The following PAQR8 variants were observed in gnomAD, a reference collection of about 807,000 sequenced individuals.
The protein encoded by PAQR8 is progestin and adipoQ receptor family member 8.
In PAQR8, 17 loss-of-function variants were observed where a neutral mutation model predicts 25.2. That is an observed-to-expected ratio of 0.67 (90% CI 0.46 to 1.01). The LOEUF (loss-of-function observed/expected upper bound fraction) is 1.01, where lower values mean the gene tolerates loss of function less well. Among genes scored for constraint, PAQR8 ranks in the 50% least tolerant of loss-of-function variants. PAQR8 has a pLI of 0.00. For synonymous variants in PAQR8, 204 were observed against 190.6 expected, an observed-to-expected ratio of 1.07 and a Z score of -0.58; for missense variants, 392 against 448.4, an observed-to-expected ratio of 0.87 and a Z score of 1.14.
At chr6:52,384,752 A>G (rs1763610310) in intron 1 of PAQR8, among the ~76,000 whole-genome samples, 1 of 152,222 alleles carries the variant, frequency 6.6e-6, no homozygotes, top group Admixed American at 6.5e-5. Context: ...ACATTACCCA[A>G]CTTCAAAATA....
intron 1 of PAQR8, among the ~76,000 whole-genome samples, chr6:52,385,815 G>T (rs565759857): frequency 3.9e-5 from 6 of 152,312 alleles, no homozygotes; most frequent in African/African-American, 9.6e-5. Flanking sequence ...AGCCTGGAAA[G>T]GTTGAGGCTA....
intron 1 of PAQR8, among the ~76,000 whole-genome samples, chr6:52,386,414 T>C (rs1763633531): frequency 6.6e-6 from 1 of 152,214 alleles, no homozygotes; most frequent in East Asian, 1.9e-4. Flanking sequence ...ATCACAGCAC[T>C]ATTCAAAAAT....
In PAQR8 at chr6:52,403,881, T is replaced by C. The variant is rs1408865569; in HGVS notation, c.668T>C (p.Leu223Pro). The C allele has an allele frequency of 6.2e-7, 1 of 1,614,234 alleles. No homozygotes were observed. The highest frequency in any genetic ancestry group is 8.5e-7 in the Non-Finnish European group (1 of 1,180,030). ...QVVPAGLAFI[L>P]DISPVAHRVA... ...GTGCCAGCAGGTCTGGCTTTTATCC[T>C]AGACATCAGCCCTGTGGCACACCGT... The change falls in exon 2 of 2, where the codon CTA becomes CCA. Residue 223 changes from leucine (L) to proline (P), a missense_variant. Transcript: ENST00000442253.
At chr6:52,366,398 GCTT>G (rs1307198572) in intron 1 of PAQR8, among the ~76,000 whole-genome samples, 9 of 152,106 alleles carry the variant, frequency 5.9e-5, no homozygotes, top group Non-Finnish European at 8.8e-5. Flanking sequence ...AGGAACAAAA[GCTT>G]CTTCTCCTAA....
intron 1 of PAQR8, among the ~76,000 whole-genome samples, chr6:52,382,189 G>A (rs1360637491): frequency 6.6e-6 from 1 of 152,184 alleles, no homozygotes; most frequent in African/African-American, 2.4e-5. Context: ...ACAAACTGGA[G>A]GATGCAGGAG....
rs532421931 is a variant in PAQR8 at position 52,372,768 on chromosome 6, A to C, written c.-53+10519A>C. ...TATATATATGGATATATATATATATATCTTCAGATTATTTTAAAGCAAATC... is the reference window on the plus strand; with the variant it reads ...TATATATATGGATATATATATATATCTCTTCAGATTATTTTAAAGCAAATC... On this transcript the variant is annotated intron_variant, in intron 1 of 1. Transcript: ENST00000442253. Among the ~76,000 whole-genome samples, 24 of 150,566 alleles carry C rather than the reference A, an allele frequency of 1.6e-4. 1 individual carries two copies. Among genetic ancestry groups the C allele is most frequent in the Admixed American group, 4.0e-4 (6 of 15,094 alleles).
intron 1 of PAQR8, among the ~76,000 whole-genome samples, chr6:52,368,863 C>G (rs554463016): frequency 6.6e-6 from 1 of 152,110 alleles, no homozygotes; most frequent in South Asian, 2.1e-4. Flanking sequence ...AAGGGCGGGA[C>G]CAGGTGGAAA....
intron 1 of PAQR8, among the ~76,000 whole-genome samples, chr6:52,386,238 A>G (rs1763631779): frequency 6.6e-6 from 1 of 152,200 alleles, no homozygotes; most frequent in East Asian, 1.9e-4. Context: ...ACGTTTATAC[A>G]GTGTTGGTGA....
intron 1 of PAQR8, among the ~76,000 whole-genome samples, chr6:52,374,342 A>G (rs192543829): frequency 3.0e-4 from 45 of 152,196 alleles, no homozygotes; most frequent in African/African-American, 8.9e-4. Flanking sequence ...TTCCTTTGTC[A>G]TTGGGATCAC....
rs1367645207 is a variant in PAQR8 at position 52,403,352 on chromosome 6, C to G, written c.139C>G (p.Arg47Gly). ...VPETDVPQLF[R>G]EPYIRTGYRP... ...AGAAACGGATGTGCCCCAGCTCTTCCGGGAGCCTTACATCCGCACCGGCTA... is the reference window on the plus strand; with the variant it reads ...AGAAACGGATGTGCCCCAGCTCTTCGGGGAGCCTTACATCCGCACCGGCTA... The change falls in exon 2 of 2, where the codon CGG becomes GGG. Residue 47 changes from arginine to glycine, a missense_variant. Physicochemically the swap from Arg to Gly is moderately radical, Grantham distance 125 (BLOSUM62 -2). Transcript: ENST00000442253. The G allele has an allele frequency of 6.2e-6, 10 of 1,614,126 alleles. No individual in the cohort carries two copies. Among genetic ancestry groups the G allele is most frequent in the Non-Finnish European group, 8.5e-6 (10 of 1,180,052 alleles).
At position 52,396,166 on chromosome 6, in the gene PAQR8, G is replaced by A. The variant is rs1046386010; in HGVS notation, c.-52-6996G>A. Among the ~76,000 whole-genome samples, 4 of 152,338 alleles carry A rather than the reference G, an allele frequency of 2.6e-5. No individual in the cohort carries two copies. The South Asian group carries it at 6.2e-4, about 24-fold the overall frequency. ...TAAGTGGAGTAAACAAACGAACCCA[G>A]CTCCATGAATGAAGAAAACTGGGAG... On this transcript the variant is annotated intron_variant, in intron 1 of 1. Transcript: ENST00000442253.
chr6:52,404,412 T>A lies in PAQR8; in HGVS notation c.*134T>A. The A allele has an allele frequency of 1.2e-6, 1 of 868,712 alleles. No individual in the cohort carries two copies. The highest frequency in any genetic ancestry group is 2.9e-5 in the Admixed American group (1 of 33,982). 53.8% of individuals were successfully genotyped at this position (868,712 alleles called of 1,614,324 possible). A position where few individuals can be genotyped will look rare whatever the true frequency, so the allele number is the denominator to read the frequency against. ...CCAAGGATATGTTATAGCTGCAGTG[T>A]TTGAAAGCCAAAGGATTTAAGAGTT... On this transcript the variant is annotated 3_prime_UTR_variant, in exon 2 of 2. Transcript: ENST00000442253.
Position 52,405,577 on chromosome 6 carries a change from TTC to T in PAQR8, c.*1301_*1302del, listed in dbSNP as rs1763898243. 1 of 167,126 alleles carries T rather than the reference TTC, an allele frequency of 6.0e-6. No individual in the cohort carries two copies. Among genetic ancestry groups the T allele is most frequent in the African/African-American group, 2.4e-5 (1 of 41,460 alleles). 10.4% of individuals were successfully genotyped at this position (167,126 alleles called of 1,614,324 possible). ...CATGCAGCCCTCCCTGAGGATTGAC[TTC>T]TGCACTAATCCAGTGAAGGAGGCTG... On this transcript the variant is annotated 3_prime_UTR_variant, in exon 2 of 2. Coordinates refer to ENST00000442253, the MANE Select transcript of PAQR8 (RefSeq NM_133367.5).
At chr6:52,392,470 C>T (rs1240175520) in intron 1 of PAQR8, among the ~76,000 whole-genome samples, 1 of 152,152 alleles carries the variant, frequency 6.6e-6, no homozygotes, top group African/African-American at 2.4e-5. Context: ...CACATAGCAT[C>T]CTTGTAATAG....
In PAQR8 at chr6:52,404,697, C is replaced by G. The variant is rs1339795132; in HGVS notation, c.*419C>G. The G allele has an allele frequency of 5.6e-6, 1 of 178,458 alleles. No individual in the cohort carries two copies. Among genetic ancestry groups the G allele is most frequent in the Non-Finnish European group, 1.3e-5 (1 of 74,184 alleles). 11.1% of individuals were successfully genotyped at this position (178,458 alleles called of 1,614,324 possible). A position where few individuals can be genotyped will look rare whatever the true frequency, so the allele number is the denominator to read the frequency against. On this transcript the variant is annotated 3_prime_UTR_variant, in exon 2 of 2. Coordinates refer to ENST00000442253, the MANE Select transcript of PAQR8 (RefSeq NM_133367.5). ...GGAATGGCTATCCTACTATGCTGTT[C>G]TTTGGTAATGGAATAAATTGACCCA...
intron 1 of PAQR8, among the ~76,000 whole-genome samples, chr6:52,377,749 AACTTAACTTCCCC>A (rs1581790729): frequency 8.1e-6 from 1 of 123,090 alleles, no homozygotes; most frequent in East Asian, 2.5e-4. Flanking sequence ...TTAAAGGGGA[AACTTAACTTCCCC>A]TTTAAGTTTT....
Position 52,379,619 on chromosome 6 carries a change from C to CTTTTTTTTTTTTTT in PAQR8, c.-53+17382_-53+17395dup, listed in dbSNP as rs909812638. On this transcript the variant is annotated intron_variant, in intron 1 of 1. Transcript: ENST00000442253. ...GGTGCGTACCGCCACACCCAGCTTT[C>CTTTTTTTTTTTTTT]TTTTTTTTTTTTTTTTTTTTTTTTT... Among the ~76,000 whole-genome samples the CTTTTTTTTTTTTTT allele has an allele frequency of 9.3e-4, 72 of 77,230 alleles. 7 individuals are homozygous for CTTTTTTTTTTTTTT. Among genetic ancestry groups the CTTTTTTTTTTTTTT allele is most frequent in the East Asian group, 2.7e-3 (6 of 2,264 alleles). 50.7% of individuals were successfully genotyped at this position (77,230 alleles called of 152,430 possible).
chr6:52,365,929 A>C (rs1197420264), intron 1 of PAQR8, among the ~76,000 whole-genome samples: 1 of 152,178 alleles, frequency 6.6e-6, no homozygotes, highest in African/African-American at 2.4e-5. Flanking sequence ...AAAAGTTTAA[A>C]AGCCTCTTCT....
chr6:52,376,940 A>G (rs1763491964), intron 1 of PAQR8, among the ~76,000 whole-genome samples: 1 of 152,282 alleles, frequency 6.6e-6, no homozygotes, highest in South Asian at 2.1e-4. Flanking sequence ...GGGGTGATGG[A>G]AATGAAACTG....
Sources: allele counts gnomAD v4.1 joint callset (sites outside exome capture counted in the v4.1 genomes callset), GRCh38; gene constraint gnomAD v4.1.1; transcripts MANE v1.5; gene names NCBI Gene and HGNC (gene_info 2026-07-23, HGNC 2026-07-21).